RANBP17: variants seen among roughly 807,000 people sequenced by gnomAD.
RANBP17 encodes RAN binding protein 17.
RANBP17 carries 158 observed loss-of-function variants against 141.2 expected under a neutral mutation model. That is an observed-to-expected ratio of 1.12 (90% confidence interval 0.98 to 1.28). The LOEUF (loss-of-function observed/expected upper bound fraction) is 1.28. Ranked by LOEUF, RANBP17 falls within the 50% of genes most tolerant of loss-of-function variation. RANBP17 has a pLI of 0.00. For missense variants in RANBP17, 1,438 were observed against 1,290.7 expected, an observed-to-expected ratio of 1.11 and a Z score of -1.75; for synonymous variants, 430 against 450.0, an observed-to-expected ratio of 0.96 and a Z score of 0.56.
At chr5:170,923,734 A>T (rs1048606731) in intron 11 of RANBP17, among the ~76,000 whole-genome samples, 3 of 152,098 alleles carry the variant, frequency 2.0e-5, no homozygotes, top group African/African-American at 7.2e-5. Context: ...TTTAATTGAT[A>T]TTTTATGTTT....
At chr5:171,028,981 A>G in intron 14 of RANBP17, 1 of 1,279,114 alleles carries the variant, frequency 7.8e-7, no homozygotes, top group Non-Finnish European at 1.0e-6. Flanking sequence ...ATCACAGTCT[A>G]AGGTCCAGGT....
intron 14 of RANBP17, among the ~76,000 whole-genome samples, chr5:171,093,312 T>C (rs1286275793): frequency 6.6e-6 from 1 of 152,198 alleles, no homozygotes; most frequent in East Asian, 1.9e-4. Flanking sequence ...TTAAAAGCTC[T>C]ACTTTATTTA....
intron 14 of RANBP17, among the ~76,000 whole-genome samples, chr5:171,109,508 G>T (rs1224135932): frequency 1.3e-5 from 2 of 152,120 alleles, no homozygotes; most frequent in Non-Finnish European, 2.9e-5. Context: ...TGTAGGATTG[G>T]TTCCAAGACA....
chr5:171,160,403 A>G (rs1016309567), intron 14 of RANBP17, among the ~76,000 whole-genome samples: 2 of 152,182 alleles, frequency 1.3e-5, no homozygotes, highest in Non-Finnish European at 2.9e-5. Flanking sequence ...ACATTCCAAT[A>G]AAAATAATAG....
At chr5:171,075,827 C>T (rs949917508) in intron 14 of RANBP17, among the ~76,000 whole-genome samples, 30 of 152,086 alleles carry the variant, frequency 2.0e-4, no homozygotes, top group Non-Finnish European at 2.9e-4. Flanking sequence ...GTGACACACA[C>T]CTGTAATCCC....
intron 14 of RANBP17, among the ~76,000 whole-genome samples, chr5:170,983,668 G>GT (rs1282373878): frequency 6.6e-6 from 1 of 152,136 alleles, no homozygotes; most frequent in Non-Finnish European, 1.5e-5. Flanking sequence ...GAGGATGGCA[G>GT]TTTTTTATTA....
intron 18 of RANBP17, among the ~76,000 whole-genome samples, chr5:171,197,821 G>A (rs1396035887): frequency 2.6e-5 from 4 of 152,142 alleles, no homozygotes; most frequent in Non-Finnish European, 4.4e-5. Flanking sequence ...GGCGGATCAC[G>A]AGGTCAGGAG....
At chr5:171,127,081 A>G (rs1297549203) in intron 14 of RANBP17, among the ~76,000 whole-genome samples, 5 of 152,220 alleles carry the variant, frequency 3.3e-5, no homozygotes, top group African/African-American at 1.2e-4. Flanking sequence ...AAAACCCTCA[A>G]CAAAATACTT....
At chr5:171,141,375 T>C (rs1757679747) in intron 14 of RANBP17, among the ~76,000 whole-genome samples, 1 of 150,016 alleles carries the variant, frequency 6.7e-6, no homozygotes, top group African/African-American at 2.5e-5. Context: ...GGTGGGCGGA[T>C]CACAAGGTCA....
At chr5:170,868,794 T>A (rs1446796683) in intron 1 of RANBP17, among the ~76,000 whole-genome samples, 1 of 152,208 alleles carries the variant, frequency 6.6e-6, no homozygotes, top group South Asian at 2.1e-4. Flanking sequence ...AAAACTAAGA[T>A]GAAAATTTAT....
chr5:171,150,646 T>C (rs1004576417), intron 14 of RANBP17, among the ~76,000 whole-genome samples: 3 of 152,224 alleles, frequency 2.0e-5, no homozygotes, highest in Non-Finnish European at 4.4e-5. Context: ...ATTTTATAGA[T>C]GAAGAAAATG....
chr5:171,237,634 T>A (rs1294156281), intron 22 of RANBP17, among the ~76,000 whole-genome samples: 3 of 152,214 alleles, frequency 2.0e-5, no homozygotes, highest in African/African-American at 7.2e-5. Flanking sequence ...TTTGAAAGTC[T>A]GTTTTATTTC....
chr5:171,254,246 CAAAAAAA>C (rs36093805), intron 24 of RANBP17, among the ~76,000 whole-genome samples: 4 of 115,042 alleles, frequency 3.5e-5, no homozygotes, highest in African/African-American at 1.1e-4. Flanking sequence ...GACTCTGTCT[CAAAAAAA>C]AAAAAAAAAA....
intron 3 of RANBP17, among the ~76,000 whole-genome samples, chr5:170,885,750 G>A (rs1209269178): frequency 6.6e-6 from 1 of 152,050 alleles, no homozygotes; most frequent in East Asian, 1.9e-4. Flanking sequence ...GTAAACAGTA[G>A]TGCCCATTGA....
At position 170,918,834 on chromosome 5, in the gene RANBP17, C is replaced by T; in HGVS notation, c.1076C>T (p.Ala359Val). ...KEYPEVIRLI[A>V]NFTITSLQHW... The stretch of plus-strand genomic sequence containing the variant: ...TATCCTGAAGTTATTAGATTGATTG[C>T]TAATTTTACCATTACTAGCCTACAG... Residue 359 changes from alanine (A) to valine (V), a missense_variant, in exon 10 of 28, where the codon GCT becomes GTT. Transcript: ENST00000523189. 6 of 1,580,156 alleles carry T rather than the reference C, an allele frequency of 3.8e-6. No individual in the cohort carries two copies. Among genetic ancestry groups the T allele is most frequent in the Non-Finnish European group, 5.2e-6 (6 of 1,160,850 alleles).
chr5:170,873,014 A>AAGCTAAGG (rs1453564974), intron 1 of RANBP17, among the ~76,000 whole-genome samples: 1 of 151,938 alleles, frequency 6.6e-6, no homozygotes, highest in African/African-American at 2.4e-5. Context: ...AGGGTTCATG[A>AAGCTAAGG]GATTCTTCTG....
chr5:171,292,906 A>G (rs924704209), intron 25 of RANBP17, among the ~76,000 whole-genome samples: 4 of 152,076 alleles, frequency 2.6e-5, no homozygotes, highest in Non-Finnish European at 4.4e-5. Context: ...CCCCACTACC[A>G]TCAGGATGAA....
chr5:171,165,631 C>A (rs923660920), intron 14 of RANBP17, among the ~76,000 whole-genome samples: 1 of 152,070 alleles, frequency 6.6e-6, no homozygotes. Context: ...AAGTTTATCA[C>A]GACAGTGTTC....
At chr5:170,964,023 T>C (rs1776338248) in intron 13 of RANBP17, among the ~76,000 whole-genome samples, 1 of 152,086 alleles carries the variant, frequency 6.6e-6, no homozygotes, top group African/African-American at 2.4e-5. Context: ...GGTGTACAAA[T>C]TAAAATACAC....
Sources: allele counts gnomAD v4.1 joint callset (sites outside exome capture counted in the v4.1 genomes callset), GRCh38; gene constraint gnomAD v4.1.1; transcripts MANE v1.5; gene names NCBI Gene and HGNC (gene_info 2026-07-23, HGNC 2026-07-21).